Variants in RALYL observed in about 807,000 individuals in gnomAD.
RALYL encodes the protein RALY RNA binding protein like, also known as RNA-binding Raly-like protein.
In RALYL, 29 loss-of-function variants were observed where a neutral mutation model predicts 35.1. The observed-to-expected ratio is 0.83, with a 90% CI of 0.61 to 1.13. The LOEUF (loss-of-function observed/expected upper bound fraction) is 1.13, where lower values mean the gene tolerates loss of function less well. RALYL is among the 50% of genes most tolerant of loss of function. RALYL has a pLI of 0.00. For synonymous variants in RALYL, 120 were observed against 127.6 expected, an observed-to-expected ratio of 0.94 and a Z score of 0.40; for missense variants, 359 against 360.4, an observed-to-expected ratio of 1.00 and a Z score of 0.03.
chr8:84,282,588 A>G (rs946388235), intron 1 of RALYL, among the ~76,000 whole-genome samples: 1 of 151,974 alleles, frequency 6.6e-6, no homozygotes, highest in African/African-American at 2.4e-5. Flanking sequence ...AAAATTTTGC[A>G]AGGTCCTGTT....
intron 1 of RALYL, among the ~76,000 whole-genome samples, chr8:84,449,960 T>G (rs1205291970): frequency 6.6e-6 from 1 of 151,874 alleles, no homozygotes; most frequent in South Asian, 2.1e-4. Flanking sequence ...TTGTCCTCAT[T>G]TCATGTCCCA....
intron 4 of RALYL, among the ~76,000 whole-genome samples, chr8:84,828,273 T>A (rs575950540): frequency 6.6e-6 from 1 of 152,286 alleles, no homozygotes; most frequent in South Asian, 2.1e-4. Flanking sequence ...CTGTCAGTAC[T>A]CTTGACTACC....
At chr8:84,267,366 G>A (rs1833532344) in intron 1 of RALYL, among the ~76,000 whole-genome samples, 1 of 152,026 alleles carries the variant, frequency 6.6e-6, no homozygotes, top group African/African-American at 2.4e-5. Context: ...ACCGTGAATT[G>A]GCTGATGAGA....
chr8:84,306,040 T>G (rs183557602), intron 1 of RALYL, among the ~76,000 whole-genome samples: 2,756 of 152,142 alleles, frequency 0.018, 37 homozygotes, highest in South Asian at 0.03. Context: ...GGCGGGCACC[T>G]GTAGTCCTAG....
chr8:84,238,178 A>G (rs1428872460), intron 1 of RALYL, among the ~76,000 whole-genome samples: 1 of 152,138 alleles, frequency 6.6e-6, no homozygotes, highest in Non-Finnish European at 1.5e-5. Flanking sequence ...GTCTATTATC[A>G]GAGGTGAGGT....
chr8:84,359,193 G>T (rs1197966704), intron 1 of RALYL, among the ~76,000 whole-genome samples: 2 of 150,944 alleles, frequency 1.3e-5, no homozygotes, highest in Non-Finnish European at 3.0e-5. Flanking sequence ...ACAGGGTGGG[G>T]GTTTGGAGGG....
At chr8:84,338,523 C>A (rs560374927) in intron 1 of RALYL, among the ~76,000 whole-genome samples, 1 of 150,362 alleles carries the variant, frequency 6.7e-6, no homozygotes, top group Non-Finnish European at 1.5e-5. Context: ...ATTAACCCAA[C>A]TCATTCTTTG....
At chr8:84,384,913 TCTA>T (rs1858852946) in intron 1 of RALYL, among the ~76,000 whole-genome samples, 1 of 151,822 alleles carries the variant, frequency 6.6e-6, no homozygotes, top group African/African-American at 2.4e-5. Flanking sequence ...TACCTATGCC[TCTA>T]CTCCATTCCT....
At chr8:84,287,922 T>A (rs780338381) in intron 1 of RALYL, among the ~76,000 whole-genome samples, 1 of 152,202 alleles carries the variant, frequency 6.6e-6, no homozygotes, top group Non-Finnish European at 1.5e-5. Context: ...TTGTCCTGGT[T>A]CTGTGATTAC....
At chr8:84,907,627 T>C (rs1049688522) in intron 8 of RALYL, among the ~76,000 whole-genome samples, 2 of 152,082 alleles carry the variant, frequency 1.3e-5, no homozygotes, top group African/African-American at 4.8e-5. Flanking sequence ...GATATTTTCA[T>C]TGTATTAGGG....
intron 1 of RALYL, among the ~76,000 whole-genome samples, chr8:84,191,845 A>G (rs1813967616): frequency 6.6e-6 from 1 of 152,236 alleles, no homozygotes; most frequent in Admixed American, 6.5e-5. Flanking sequence ...TTGATGAGGG[A>G]CAGCTTTTTA....
At chr8:84,212,816 G>T (rs554509773) in intron 1 of RALYL, among the ~76,000 whole-genome samples, 2 of 152,118 alleles carry the variant, frequency 1.3e-5, no homozygotes, top group East Asian at 3.9e-4. Context: ...AATTACCTTT[G>T]CATGTCTGAA....
intron 2 of RALYL, among the ~76,000 whole-genome samples, chr8:84,625,683 T>G (rs1822566869): frequency 6.6e-6 from 1 of 152,184 alleles, no homozygotes; most frequent in South Asian, 2.1e-4. Context: ...CAACAATGTA[T>G]AGCAAATCCA....
intron 1 of RALYL, among the ~76,000 whole-genome samples, chr8:84,489,174 G>A (rs1245309088): frequency 6.6e-6 from 1 of 151,946 alleles, no homozygotes; most frequent in African/African-American, 2.4e-5. Context: ...TCTTTACAGT[G>A]TAATCTTAAA....
chr8:84,455,441 T>C (rs146273625), intron 1 of RALYL, among the ~76,000 whole-genome samples: 27 of 152,158 alleles, frequency 1.8e-4, no homozygotes, highest in Non-Finnish European at 3.4e-4. Flanking sequence ...AATAAATCTG[T>C]GATTTAGCCA....
At chr8:84,891,997 T>A (rs995521072) in intron 8 of RALYL, among the ~76,000 whole-genome samples, 8 of 152,140 alleles carry the variant, frequency 5.3e-5, no homozygotes, top group African/African-American at 1.7e-4. Flanking sequence ...GAACAGGAAA[T>A]AAGAATTGGA....
chr8:84,878,195 G>A (rs1841525998), intron 7 of RALYL, among the ~76,000 whole-genome samples: 1 of 152,146 alleles, frequency 6.6e-6, no homozygotes, highest in Non-Finnish European at 1.5e-5. Flanking sequence ...TCTAGTGAAG[G>A]TAAAACAGTG....
chr8:84,218,057 G>GA (rs141852389), intron 1 of RALYL, among the ~76,000 whole-genome samples: 3,426 of 151,736 alleles, frequency 0.023, 136 homozygotes, highest in African/African-American at 0.077. Context: ...CATATTTTCT[G>GA]AAAAAATATA....
At chr8:84,499,077 A>C (rs1464188924) in intron 1 of RALYL, among the ~76,000 whole-genome samples, 1 of 143,328 alleles carries the variant, frequency 7.0e-6, no homozygotes, top group Non-Finnish European at 1.5e-5. Context: ...TATAAAGACT[A>C]TGCCATCTGT....
Sources: gnomAD v4.1 joint callset for allele counts (sites outside exome capture counted in the v4.1 genomes callset) on GRCh38, gnomAD v4.1.1 for gene constraint, MANE v1.5 for transcripts, NCBI Gene and HGNC (gene_info 2026-07-23, HGNC 2026-07-21) for gene names.